Variants in CCDC88B observed in about 807,000 individuals in gnomAD.
CCDC88B encodes the protein coiled-coil domain-containing protein 88B.
Under a neutral mutation model 183.7 loss-of-function variants are expected in CCDC88B, and 138 were observed. The ratio of observed to expected loss-of-function variants is 0.75; its 90% CI spans 0.65 to 0.87. The LOEUF (loss-of-function observed/expected upper bound fraction) is 0.87. Ranked by LOEUF, CCDC88B falls within the 40% of genes least tolerant of loss-of-function variation. The pLI, the probability that CCDC88B is intolerant of heterozygous loss-of-function variation, is 0.00. For synonymous variants in CCDC88B, 835 were observed against 867.5 expected (o/e 0.96, Z 0.66); for missense variants, 1,822 against 1,965.6 (o/e 0.93, Z 1.38).
At chr11:64,351,409 G>T in intron 17 of CCDC88B, 67 bp from the exon 18 acceptor site, 1 of 1,544,490 alleles carries the variant, frequency 6.5e-7, no homozygotes. Flanking sequence ...GTGTGAGTGT[G>T]GGCCTGTGGT....
chr11:64,344,323 T>C lies in CCDC88B; in HGVS notation c.1782T>C (p.Arg594=), dbSNP rs767401115. 38 of 1,613,126 alleles carry C rather than the reference T, an allele frequency of 2.4e-5. No homozygotes were observed. The African/African-American group carries it at 4.0e-4, about 17-fold the overall frequency. ...ETQESPEKAG[R]RSSLQSPASV... ...AGGAGTCCCCGGAGAAGGCTGGCCG[T>C]AGATCCTCTCTCCAGAGCCCTGCCT... Residue 594 remains arginine (R), a synonymous_variant, in exon 14 of 27, where the codon CGT becomes CGC. Coordinates refer to ENST00000356786, the MANE Select transcript of CCDC88B (RefSeq NM_032251.6). The surrounding 1 kb of genome is among the most constrained non-coding windows in gnomAD (Gnocchi z 4.5).
In CCDC88B at chr11:64,351,189, C is replaced by T. The variant is rs546731887; in HGVS notation, c.2892C>T (p.Pro964=). The change falls in exon 17 of 27, where the codon CCC becomes CCT. Residue 964 remains proline, a synonymous_variant. Coordinates refer to ENST00000356786, the MANE Select transcript of CCDC88B (RefSeq NM_032251.6). Reference sequence around the variant, plus strand: ...GCCAGGGCCCCGCGGGGCTGGGGCCCAAAAAGCGTGCGGAGCCTCAGCTGG... The same window carrying T: ...GCCAGGGCCCCGCGGGGCTGGGGCCTAAAAAGCGTGCGGAGCCTCAGCTGG... ...QLRQGPAGLG[P]KKRAEPQLVE... 3.0e-5 allele frequency: 46 copies of T among 1,512,228 alleles called. No individual in the cohort carries two copies. The Admixed American group carries it at 3.8e-4, about 13-fold the overall frequency. 93.7% of individuals were successfully genotyped at this position (1,512,228 alleles called of 1,614,324 possible).
intron 26 of CCDC88B, 39 bp downstream of exon 26, chr11:64,355,667 C>T (rs768579761): frequency 7.8e-6 from 12 of 1,541,358 alleles, no homozygotes; most frequent in Non-Finnish European, 1.1e-5. Flanking sequence ...ATTCTTTGTC[C>T]TGCCTGGGGC....
Position 64,353,729 on chromosome 11 carries a change from C to A in CCDC88B, c.3848C>A (p.Ala1283Asp). Residue 1283 changes from alanine to aspartate, a missense_variant, in exon 23 of 27, where the codon GCC becomes GAC. Coordinates refer to ENST00000356786, the MANE Select transcript of CCDC88B (RefSeq NM_032251.6). ...ACTCCTGCCAGGGACCAGCTTAATGCCCTGCGCCGCGAGAAGCAGAAGCTC... is the reference window on the plus strand; with the variant it reads ...ACTCCTGCCAGGGACCAGCTTAATGACCTGCGCCGCGAGAAGCAGAAGCTC... ...EQREYLDQLN[A>D]LRREKQKLVE... is the part of the protein sequence containing the mutation. The A allele has an allele frequency of 1.2e-6, 2 of 1,614,066 alleles. No individual in the cohort carries two copies. The highest frequency in any genetic ancestry group is 1.7e-6 in the Non-Finnish European group (2 of 1,179,974).
intron 14 of CCDC88B, chr11:64,348,747 C>T (rs898829075): frequency 4.9e-5 from 24 of 488,990 alleles, no homozygotes; most frequent in Non-Finnish European, 8.7e-5. Context: ...GTCTCCCTCC[C>T]TCTGGGGCAC....
At chr11:64,356,773 T>G in intron 26 of CCDC88B, 1 of 469,832 alleles carries the variant, frequency 2.1e-6, no homozygotes, top group South Asian at 4.3e-5. Context: ...TGGTTGGAGT[T>G]TTAGTAACTG....
chr11:64,354,216 C>G, intron 24 of CCDC88B, 46 bp downstream of exon 24: 1 of 1,299,204 alleles, frequency 7.7e-7, no homozygotes. Context: ...GCCCCACATC[C>G]TCTGTCCCCC....
intron 2 of CCDC88B, 46 bp from the exon 3 acceptor site, chr11:64,340,861 G>A (rs914508831): frequency 2.0e-5 from 30 of 1,535,498 alleles, no homozygotes; most frequent in Admixed American, 6.0e-5. Flanking sequence ...GGTGGGCGAG[G>A]CCTGTTGACG....
chr11:64,355,487 C>G (rs778335622), intron 25 of CCDC88B, 73 bp from the exon 26 acceptor site: 3 of 1,592,822 alleles, frequency 1.9e-6, no homozygotes, highest in Non-Finnish European at 1.7e-6. Flanking sequence ...TCCTTCTTGT[C>G]CCCTGTGTCT....
At position 64,341,498 on chromosome 11, in the gene CCDC88B, C is replaced by G; in HGVS notation, c.525C>G (p.Ile175Met). The change falls in exon 6 of 27, where the codon ATC (isoleucine) becomes ATG (methionine). Residue 175 changes from isoleucine (I) to methionine (M), a missense_variant. Transcript: ENST00000356786. ...LEVQSELAAA[I>M]QEVTQPGAGV... ...TCCAGAGCGAGCTGGCCGCTGCCATCCAGGAGGTACTGAGACGGTTCGGCA... is the reference window on the plus strand; with the variant it reads ...TCCAGAGCGAGCTGGCCGCTGCCATGCAGGAGGTACTGAGACGGTTCGGCA... 1 of 1,613,806 alleles carries G rather than the reference C, an allele frequency of 6.2e-7. No individual in the cohort carries two copies.
chr11:64,344,002 C>G lies in CCDC88B; in HGVS notation c.1461C>G (p.Pro487=), dbSNP rs753814750. ...VLQGQPGGQH[P]LLEAPREDPV... ...TCCCTCTCGTATGCCCTCAGCACCC[C>G]CTGCTGGAGGCACCGAGAGAGGACC... Residue 487 remains proline, a synonymous_variant, in exon 14 of 27, where the codon CCC becomes CCG. Transcript: ENST00000356786. This position sits in a 1 kb window ranked among gnomAD's most constrained non-coding sequence, Gnocchi z 4.5. The G allele has an allele frequency of 1.2e-5, 19 of 1,552,572 alleles. No homozygotes were observed. The highest frequency in any genetic ancestry group is 1.7e-5 in the Non-Finnish European group (19 of 1,147,700).
chr11:64,342,877 G>GC (rs2035937906), intron 10 of CCDC88B, 197 bp downstream of exon 10: 1 of 538,154 alleles, frequency 1.9e-6, no homozygotes, highest in Admixed American at 3.6e-5. Context: ...GTAGGGGAGT[G>GC]GGGGGGCTGT....
intron 14 of CCDC88B, among the ~76,000 whole-genome samples, chr11:64,346,672 C>A (rs1049254350): frequency 6.6e-6 from 1 of 152,052 alleles, no homozygotes; most frequent in Admixed American, 6.6e-5. Flanking sequence ...GATCTCCTGA[C>A]CTCGTGATCC....
intron 20 of CCDC88B, 28 bp from the exon 21 acceptor site, chr11:64,353,026 T>G (rs1474499374): frequency 6.4e-7 from 1 of 1,558,690 alleles, no homozygotes; most frequent in South Asian, 1.2e-5. Context: ...CCAGGTCCCT[T>G]GGAGAGCAGC....
At chr11:64,348,819 C>T in intron 14 of CCDC88B, 1 of 595,632 alleles carries the variant, frequency 1.7e-6, no homozygotes, top group Non-Finnish European at 3.0e-6. Context: ...CCAAAGGCCA[C>T]AGGTCACCTA....
Position 64,355,198 on chromosome 11 carries a change from C to T in CCDC88B, c.4104C>T (p.Ser1368=). The T allele has an allele frequency of 1.3e-6, 2 of 1,487,554 alleles. No homozygotes were observed. Among genetic ancestry groups the T allele is most frequent in the Non-Finnish European group, 1.8e-6 (2 of 1,120,780 alleles). 92.1% of individuals were successfully genotyped at this position (1,487,554 alleles called of 1,614,324 possible). The part of the protein sequence containing the change: ...PEGREADGTG[S]PSPAPMRRAQ... ...CCCTGCATGTACCTCTTGCAGGGTC[C>T]CCTTCCCCGGCACCCATGCGCCGGG... Residue 1368 remains serine (S), a synonymous_variant, in exon 25 of 27, where the codon TCC becomes TCT. Coordinates refer to ENST00000356786, the MANE Select transcript of CCDC88B (RefSeq NM_032251.6).
chr11:64,342,056 GGCTCCCGCC>G lies in CCDC88B; in HGVS notation c.740_748del (p.Ala247_Ala249del), dbSNP rs1340830922. On this transcript the variant is annotated inframe_deletion, in exon 8 of 27. Transcript: ENST00000356786. ...GCTTGAGGCCTGAGGCTCCCTCTAG[GGCTCCCGCC>G]GAGGGCCCCTCGCACCATCTGGCCC... The G allele has an allele frequency of 1.9e-6, 3 of 1,611,640 alleles. No individual in the cohort carries two copies. The African/African-American group carries it at 4.0e-5, about 22-fold the overall frequency.
chr11:64,355,631 G>C lies in CCDC88B; in HGVS notation c.4375+3G>C. On this transcript the variant is annotated splice_donor_region_variant and intron_variant, in intron 26 of 26. Coordinates refer to ENST00000356786, the MANE Select transcript of CCDC88B (RefSeq NM_032251.6). The stretch of plus-strand genomic sequence containing the variant: ...CGAAACAGATGCCAACCGAGAGGGT[G>C]AGTGGGGGACTGTGGAAGGAGTAGT... 6.2e-7 allele frequency: 1 copy of C among 1,610,302 alleles called. No homozygotes were observed. The highest frequency in any genetic ancestry group is 8.5e-7 in the Non-Finnish European group (1 of 1,178,550).
At position 64,353,534 on chromosome 11, in the gene CCDC88B, C is replaced by T. The variant is rs528095065; in HGVS notation, c.3833+38C>T. 6.0e-5 allele frequency: 96 copies of T among 1,599,508 alleles called. No homozygotes were observed. The South Asian group carries it at 9.7e-4, about 16-fold the overall frequency. ...CCTGGGAGCGGGGTGGGGCCTGCAT[C>T]CCCTTTGGGCGTTCCTGGGGAGAGC... On this transcript the variant is annotated intron_variant, in intron 22 of 26. Transcript: ENST00000356786.
Sources: gnomAD v4.1 joint callset for allele counts (sites outside exome capture counted in the v4.1 genomes callset) on GRCh38, gnomAD v4.1.1 for gene constraint, Gnocchi (gnomAD v3.1) non-coding constraint, MANE v1.5 for transcripts, NCBI Gene and HGNC (gene_info 2026-07-23, HGNC 2026-07-21) for gene names.